Variants in STARD13 observed in about 807,000 individuals in gnomAD.
STARD13 encodes stAR-related lipid transfer protein 13.
STARD13 carries 62 observed loss-of-function variants against 106.4 expected under a neutral mutation model. The ratio of observed to expected loss-of-function variants is 0.58; its 90% CI spans 0.48 to 0.72. STARD13 has a LOEUF of 0.72. Ranked by LOEUF, STARD13 falls within the 30% of genes least tolerant of loss-of-function variation. STARD13 has a pLI of 0.00. For synonymous variants in STARD13, 565 were observed against 553.0 expected, an observed-to-expected ratio of 1.02 and a Z score of -0.31; for missense variants, 1,387 against 1,424.0, an observed-to-expected ratio of 0.97 and a Z score of 0.42.
At chr13:33,181,919 G>C (rs79755984) in intron 1 of STARD13, among the ~76,000 whole-genome samples, 9 of 45,272 alleles carry the variant, frequency 2.0e-4, no homozygotes, top group African/African-American at 1.1e-3. Context: ...AGATTTCCCT[G>C]TTTTCCCACA....
the STARD13 span, among the ~76,000 whole-genome samples, chr13:33,571,413 G>C: frequency 1.3e-5 from 2 of 151,322 alleles, no homozygotes; most frequent in African/African-American, 4.9e-5. Context: ...TGTGTAGATA[G>C]TTAAAAATTA....
intron 3 of STARD13, among the ~76,000 whole-genome samples, chr13:33,147,706 G>A (rs554973577): frequency 6.6e-6 from 1 of 152,246 alleles, no homozygotes; most frequent in South Asian, 2.1e-4. Flanking sequence ...AACCAAAACA[G>A]TGGATATCAG....
the STARD13 span, among the ~76,000 whole-genome samples, chr13:33,510,522 T>C: frequency 6.6e-6 from 1 of 152,300 alleles, no homozygotes; most frequent in Admixed American, 6.5e-5. Context: ...CATGGAAACC[T>C]GGCCAATAAA....
At chr13:33,302,850 T>G (rs2138470520) in intron 1 of STARD13, among the ~76,000 whole-genome samples, 1 of 152,364 alleles carries the variant, frequency 6.6e-6, no homozygotes, top group South Asian at 2.1e-4. Flanking sequence ...AGTATAGTTC[T>G]GATATATTGT....
chr13:33,516,653 ACCTAGAGCTTCTCTGTCCATG>A, the STARD13 span, among the ~76,000 whole-genome samples: 201 of 152,222 alleles, frequency 1.3e-3, no homozygotes, highest in African/African-American at 3.9e-3. Flanking sequence ...TTGGGTTACC[ACCTAGAGCTTCTCTGTCCATG>A]GCCCACAAAT....
At chr13:33,275,865 CTG>C (rs1270967989) in intron 1 of STARD13, 1 of 152,252 alleles carries the variant, frequency 6.6e-6, no homozygotes, top group African/African-American at 2.4e-5. Context: ...ATACCCATCT[CTG>C]TACACCCCGT....
intron 1 of STARD13, among the ~76,000 whole-genome samples, chr13:33,265,133 T>A (rs373781737): frequency 6.6e-6 from 1 of 152,202 alleles, no homozygotes; most frequent in African/African-American, 2.4e-5. Context: ...TCCTTACTCA[T>A]CTCATTTAAT....
At chr13:33,317,384 T>C (rs1449151750) in intron 1 of STARD13, among the ~76,000 whole-genome samples, 1 of 152,208 alleles carries the variant, frequency 6.6e-6, no homozygotes, top group Non-Finnish European at 1.5e-5. Context: ...AATCAACACC[T>C]GATGGTCTTC....
At chr13:33,418,157 A>C in the STARD13 span, among the ~76,000 whole-genome samples, 1 of 152,218 alleles carries the variant, frequency 6.6e-6, no homozygotes, top group Non-Finnish European at 1.5e-5. Flanking sequence ...AGGAAGTGCA[A>C]GGGGTCAGGG....
intron 1 of STARD13, among the ~76,000 whole-genome samples, chr13:33,220,665 C>T (rs889921930): frequency 7.2e-5 from 11 of 152,096 alleles, no homozygotes; most frequent in African/African-American, 2.7e-4. Flanking sequence ...ACACTCCAGC[C>T]TGGGCAACAG....
the STARD13 span, among the ~76,000 whole-genome samples, chr13:33,385,925 A>G: frequency 6.6e-6 from 1 of 152,092 alleles, no homozygotes; most frequent in Middle Eastern, 3.2e-3. Context: ...CTTAAGCCTA[A>G]TGTGTGAGTC....
At chr13:33,220,593 G>A (rs561857983) in intron 1 of STARD13, among the ~76,000 whole-genome samples, 33 of 152,322 alleles carry the variant, frequency 2.2e-4, no homozygotes, top group African/African-American at 7.9e-4. Context: ...TTGGGAGGCT[G>A]AGGCAGAAGA....
the STARD13 span, among the ~76,000 whole-genome samples, chr13:33,663,343 T>C: frequency 6.6e-6 from 1 of 152,162 alleles, no homozygotes; most frequent in Non-Finnish European, 1.5e-5. Context: ...AAAATTATTA[T>C]GGACAAAAAA....
At chr13:33,568,356 C>G in the STARD13 span, among the ~76,000 whole-genome samples, 2 of 147,730 alleles carry the variant, frequency 1.4e-5, no homozygotes, top group Admixed American at 1.4e-4. Context: ...TACTACCTAG[C>G]CTACTTGGGT....
chr13:33,232,262 G>A (rs1220229382), intron 1 of STARD13, among the ~76,000 whole-genome samples: 3 of 152,166 alleles, frequency 2.0e-5, no homozygotes, highest in South Asian at 2.1e-4. Flanking sequence ...GCAGTGAGCC[G>A]AGATCACGCC....
At chr13:33,662,381 G>A in the STARD13 span, among the ~76,000 whole-genome samples, 9 of 152,126 alleles carry the variant, frequency 5.9e-5, no homozygotes, top group African/African-American at 2.2e-4. Context: ...CACTTTACAG[G>A]TTGTATAAAA....
chr13:33,166,287 G>A (rs1175423047), intron 2 of STARD13, among the ~76,000 whole-genome samples: 2 of 152,086 alleles, frequency 1.3e-5, no homozygotes, highest in Non-Finnish European at 2.9e-5. Flanking sequence ...TGTCTTGCTC[G>A]GCTAGTGAGG....
intron 7 of STARD13, among the ~76,000 whole-genome samples, chr13:33,120,262 C>G (rs17596490): frequency 0.034 from 5,125 of 152,368 alleles, 135 homozygotes; most frequent in Non-Finnish European, 0.054. Context: ...GCACGTTCCT[C>G]TTTTGTCCAC....
the STARD13 span, among the ~76,000 whole-genome samples, chr13:33,550,512 T>G: frequency 6.6e-6 from 1 of 152,230 alleles, no homozygotes; most frequent in Non-Finnish European, 1.5e-5. Context: ...CCTGTCCTGG[T>G]ATCAGATTTT....
Sources: gnomAD v4.1 joint callset for allele counts (sites outside exome capture counted in the v4.1 genomes callset) on GRCh38, gnomAD v4.1.1 for gene constraint, MANE v1.5 for transcripts, NCBI Gene and HGNC (gene_info 2026-07-23, HGNC 2026-07-21) for gene names.